SIK2: variants seen among roughly 807,000 people sequenced by gnomAD.
SIK2 encodes the protein salt inducible kinase 2, also known as serine/threonine-protein kinase SIK2.
SIK2 carries 29 observed loss-of-function variants against 103.2 expected under a neutral mutation model. That is an observed-to-expected ratio of 0.28 (90% CI 0.21 to 0.38). SIK2 has a LOEUF of 0.38. SIK2 is among the 10% of genes least tolerant of loss of function. SIK2 has a pLI of 1.00. For synonymous variants in SIK2, 412 were observed against 446.1 expected (o/e 0.92, Z 0.96); for missense variants, 879 against 1,171.0 (o/e 0.75, Z 3.64).
chr11:111,633,809 AT>A (rs1485447398), intron 3 of SIK2, among the ~76,000 whole-genome samples: 1 of 152,040 alleles, frequency 6.6e-6, no homozygotes, highest in Non-Finnish European at 1.5e-5. Flanking sequence ...GAAGGATAAT[AT>A]TTTCTTGGTC....
chr11:111,626,611 T>A (rs979472310), intron 3 of SIK2, among the ~76,000 whole-genome samples: 1 of 152,048 alleles, frequency 6.6e-6, no homozygotes, highest in African/African-American at 2.4e-5. Context: ...TCCTAACTGA[T>A]CTATTTTTCA....
intron 3 of SIK2, among the ~76,000 whole-genome samples, chr11:111,639,722 T>C (rs1368999322): frequency 6.6e-6 from 1 of 152,222 alleles, no homozygotes; most frequent in Non-Finnish European, 1.5e-5. Flanking sequence ...TTGAAATTCA[T>C]TGTTATACTC....
chr11:111,700,956 A>C lies in SIK2; in HGVS notation c.549A>C (p.Ala183=). Residue 183 remains alanine, a synonymous_variant, in exon 5 of 15, where the codon GCA becomes GCC. Coordinates refer to ENST00000304987, the MANE Select transcript of SIK2 (RefSeq NM_015191.3). ...CATGGTGTGGCAGCCCCCCTTATGC[A>C]GCCCCAGAAGTCTTTGAAGGGCAGC... ...LATWCGSPPY[A]APEVFEGQQY... 1 of 1,614,094 alleles carries C rather than the reference A, an allele frequency of 6.2e-7. No homozygotes were observed. Among genetic ancestry groups the C allele is most frequent in the Non-Finnish European group, 8.5e-7 (1 of 1,179,972 alleles).
intron 1 of SIK2, among the ~76,000 whole-genome samples, chr11:111,607,298 G>A (rs1481559958): frequency 6.6e-6 from 1 of 152,090 alleles, no homozygotes; most frequent in Non-Finnish European, 1.5e-5. Context: ...GTGCATTTTG[G>A]GGATTTTATA....
Position 111,602,655 on chromosome 11 carries a change from T to C in SIK2, c.92T>C (p.Phe31Ser), listed in dbSNP as rs763703015. The change falls in exon 1 of 15, where the codon TTC becomes TCC. Residue 31 changes from phenylalanine to serine, a missense_variant. Around this residue, in one of 7 missense-constraint regions of SIK2, gnomAD observed 47 missense variants for 43.9 expected, o/e 1.07. Transcript: ENST00000304987. The surrounding 1 kb of genome is among the most constrained non-coding windows in gnomAD (Gnocchi z 4.5). ...DIEGTLGKGN[F>S]AVVKLGRHRI... ...GAGGGCACGCTGGGCAAGGGCAACT[T>C]CGCTGTGGTGAAGCTGGGGCGGCAC... 4 of 1,531,614 alleles carry C rather than the reference T, an allele frequency of 2.6e-6. No homozygotes were observed. Among genetic ancestry groups the C allele is most frequent in the Non-Finnish European group, 3.5e-6 (4 of 1,138,276 alleles). 94.9% of individuals were successfully genotyped at this position (1,531,614 alleles called of 1,614,324 possible).
intron 3 of SIK2, among the ~76,000 whole-genome samples, chr11:111,675,643 G>A (rs1283517373): frequency 2.0e-5 from 3 of 152,126 alleles, no homozygotes; most frequent in Non-Finnish European, 4.4e-5. Context: ...CAAGAACTTT[G>A]ATTTACTAGT....
At chr11:111,661,570 C>T (rs1242785490) in intron 3 of SIK2, among the ~76,000 whole-genome samples, 1 of 152,194 alleles carries the variant, frequency 6.6e-6, no homozygotes, top group Non-Finnish European at 1.5e-5. Flanking sequence ...TGGGTATTTA[C>T]ACTGCATGTT....
chr11:111,688,387 G>T lies in SIK2; in HGVS notation c.478+225G>T, dbSNP rs567563841. ...CAGAGCTACATCTGGGGTCTGATGTGTCCAGATTCCATTGGCAGGGTTTCG... is the reference window on the plus strand; with the variant it reads ...CAGAGCTACATCTGGGGTCTGATGTTTCCAGATTCCATTGGCAGGGTTTCG... On this transcript the variant is annotated intron_variant, in intron 4 of 14. Coordinates refer to ENST00000304987, the MANE Select transcript of SIK2 (RefSeq NM_015191.3). This position sits in a 1 kb window ranked among gnomAD's most constrained non-coding sequence, Gnocchi z 4.2. Among the ~76,000 whole-genome samples, 102 of 152,310 alleles carry T rather than the reference G, an allele frequency of 6.7e-4. No homozygotes were observed. Among genetic ancestry groups the T allele is most frequent in the African/African-American group, 2.4e-3 (100 of 41,568 alleles).
intron 3 of SIK2, among the ~76,000 whole-genome samples, chr11:111,621,859 GCCACGA>G (rs1941890780): frequency 1.3e-5 from 2 of 151,948 alleles, no homozygotes; most frequent in Admixed American, 6.6e-5. Context: ...GCTGCAGTGA[GCCACGA>G]CCGCACCACT....
chr11:111,622,669 G>C (rs1941906494), intron 3 of SIK2, among the ~76,000 whole-genome samples: 1 of 151,906 alleles, frequency 6.6e-6, no homozygotes, highest in South Asian at 2.1e-4. Context: ...AAAGATATTT[G>C]TACTAGGTAT....
rs764712221 is a variant in SIK2, at chr11:111,712,380, G to A, written c.1266+5G>A. The A allele has an allele frequency of 9.9e-6, 16 of 1,611,934 alleles. No homozygotes were observed. In the East Asian group the frequency reaches 1.3e-4, roughly 13 times the overall value. The stretch of plus-strand genomic sequence containing the variant: ...GAGTGTGTGGACACTCCAAAGGTAC[G>A]GCTATGTTTGAGAGTCTCAGAACTG... On this transcript the variant is annotated splice_donor_5th_base_variant and intron_variant, in intron 9 of 14. Coordinates refer to ENST00000304987, the MANE Select transcript of SIK2 (RefSeq NM_015191.3).
At chr11:111,606,316 A>G (rs1291629167) in intron 1 of SIK2, among the ~76,000 whole-genome samples, 3 of 152,050 alleles carry the variant, frequency 2.0e-5, no homozygotes, top group Non-Finnish European at 4.4e-5. Context: ...ATTATAATAT[A>G]AAAAATAAGA....
intron 3 of SIK2, among the ~76,000 whole-genome samples, chr11:111,622,598 G>T (rs1447147984): frequency 6.6e-6 from 1 of 152,130 alleles, no homozygotes; most frequent in Non-Finnish European, 1.5e-5. Context: ...AGATCTGCTG[G>T]TGATGAAATA....
intron 3 of SIK2, among the ~76,000 whole-genome samples, chr11:111,631,972 A>G (rs2135849468): frequency 6.6e-6 from 1 of 152,336 alleles, no homozygotes; most frequent in Admixed American, 6.5e-5. Context: ...ATTGTACCTC[A>G]TTCCACAAAG....
At chr11:111,657,744 G>C (rs1942410473) in intron 3 of SIK2, among the ~76,000 whole-genome samples, 2 of 152,178 alleles carry the variant, frequency 1.3e-5, no homozygotes, top group Non-Finnish European at 2.9e-5. Flanking sequence ...TTGGTGGGGG[G>C]AGGTGGGGAG....
At position 111,706,458 on chromosome 11, in the gene SIK2, CCTGT is replaced by C. The variant is rs1276469711; in HGVS notation, c.1101+1322_1101+1325del. On this transcript the variant is annotated intron_variant, in intron 8 of 14. Coordinates refer to ENST00000304987, the MANE Select transcript of SIK2 (RefSeq NM_015191.3). Reference sequence around the variant, plus strand: ...TTGGTTAGTATGCTCCATTGACTTTCCTGTCTACTTCTGTAACTGACTTTGTTCA... The same window carrying C: ...TTGGTTAGTATGCTCCATTGACTTTCCTACTTCTGTAACTGACTTTGTTCA... Among the ~76,000 whole-genome samples, 9 of 152,226 alleles carry C rather than the reference CCTGT, an allele frequency of 5.9e-5. No homozygotes were observed. The South Asian group carries it at 1.7e-3, about 28-fold the overall frequency.
In SIK2 at chr11:111,723,921, C is replaced by T. The variant is rs746560391; in HGVS notation, c.2573C>T (p.Ala858Val). Residue 858 changes from alanine to valine, a missense_variant, in exon 15 of 15, where the codon GCG becomes GTG. By Grantham distance (64) the Ala-to-Val change is moderately conservative. Transcript: ENST00000304987. ...GAGCTGCCAAGCGCTGCTTCCCCTG[C>T]GCCAGACTATCCCACTCCCTGTCAG... ...TCELPSAASP[A>V]PDYPTPCQYP... The T allele has an allele frequency of 3.0e-5, 48 of 1,613,684 alleles. No homozygotes were observed. The highest frequency in any genetic ancestry group is 1.6e-4 in the Middle Eastern group (1 of 6,078).
rs771173988 is a variant in SIK2 at position 111,722,635 on chromosome 11, C to T, written c.2056-30C>T. 1 of 1,603,494 alleles carries T rather than the reference C, an allele frequency of 6.2e-7. No individual in the cohort carries two copies. Among genetic ancestry groups the T allele is most frequent in the South Asian group, 1.1e-5 (1 of 90,074 alleles). ...TGCATCCTAGGTGACAGCACATTGT[C>T]ACGCTCATGTTGTTTTTCTGCTCTT... On this transcript the variant is annotated intron_variant, in intron 13 of 14. Transcript: ENST00000304987. This position sits in a 1 kb window ranked among gnomAD's most constrained non-coding sequence, Gnocchi z 4.4.
chr11:111,637,456 C>CTTTTT lies in SIK2; in HGVS notation c.316+17071_316+17075dup, dbSNP rs558690499. On this transcript the variant is annotated intron_variant, in intron 3 of 14. Coordinates refer to ENST00000304987, the MANE Select transcript of SIK2 (RefSeq NM_015191.3). ...ATCTTATCTGATCATTTTGTAATATCTTTTTTTTTTTTTTTTTTTTTGAGA... is the reference window on the plus strand; with the variant it reads ...ATCTTATCTGATCATTTTGTAATATCTTTTTTTTTTTTTTTTTTTTTTTTTTGAGA... Among the ~76,000 whole-genome samples, 613 of 124,686 alleles carry CTTTTT rather than the reference C, an allele frequency of 4.9e-3. 21 individuals carry two copies. The highest frequency in any genetic ancestry group is 0.018 in the African/African-American group (585 of 31,948). The allele number at this position is 124,686 out of a possible 152,430, so 81.8% of individuals were successfully genotyped here.
Sources: gnomAD v4.1 joint callset for allele counts (sites outside exome capture counted in the v4.1 genomes callset) on GRCh38, gnomAD v4.1.1 for gene constraint, gnomAD v4.1.1 regional missense constraint, Gnocchi (gnomAD v3.1) non-coding constraint, MANE v1.5 for transcripts, NCBI Gene and HGNC (gene_info 2026-07-23, HGNC 2026-07-21) for gene names.